Variants in RTN1 observed in about 807,000 individuals in gnomAD.
RTN1 encodes reticulon 1.
A neutral mutation model predicts 65.5 loss-of-function variants in RTN1; 25 were observed. The observed-to-expected ratio is 0.38, with a 90% confidence interval of 0.28 to 0.53. The LOEUF is 0.53. Ranked by LOEUF, RTN1 falls within the 20% of genes least tolerant of loss-of-function variation. RTN1 has a pLI of 0.79. For missense variants in RTN1, 983 were observed against 1,025.4 expected, an observed-to-expected ratio of 0.96 and a Z score of 0.57; for synonymous variants, 471 against 447.6, an observed-to-expected ratio of 1.05 and a Z score of -0.66.
chr14:59,746,550 C>T (rs1259949018), intron 1 of RTN1, 69 bp from the exon 2 acceptor site: 2 of 1,324,342 alleles, frequency 1.5e-6, no homozygotes, highest in Non-Finnish European at 1.0e-6. Flanking sequence ...GTCTAACCCA[C>T]CACCCACCCC....
At chr14:59,645,021 G>A (rs932420457) in intron 3 of RTN1, among the ~76,000 whole-genome samples, 3 of 152,204 alleles carry the variant, frequency 2.0e-5, no homozygotes, top group African/African-American at 7.2e-5. Context: ...TAGGGCTCTA[G>A]AGAGTCCAAG....
intron 3 of RTN1, among the ~76,000 whole-genome samples, chr14:59,678,189 C>G (rs1191770536): frequency 6.6e-6 from 1 of 152,108 alleles, no homozygotes; most frequent in Non-Finnish European, 1.5e-5. Context: ...GGAAGGCTGC[C>G]AAAGCTTAGG....
At chr14:59,750,205 A>ATATAATATATATATTATATC (rs1317253802) in intron 1 of RTN1, among the ~76,000 whole-genome samples, 9 of 50,900 alleles carry the variant, frequency 1.8e-4, no homozygotes, top group Non-Finnish European at 2.7e-4. Flanking sequence ...TATCTATAAT[A>ATATAATATATATATTATATC]TATAATATAT....
chr14:59,760,485 T>C (rs766555946), intron 1 of RTN1, among the ~76,000 whole-genome samples: 12 of 152,318 alleles, frequency 7.9e-5, no homozygotes, highest in Admixed American at 2.0e-4. Flanking sequence ...CAAATGAATG[T>C]ATTACTCTTT....
At position 59,766,227 on chromosome 14, in the gene RTN1, C is replaced by CAA. The variant is rs11355109; in HGVS notation, c.242-19748_242-19747dup. Among the ~76,000 whole-genome samples, 31 of 147,790 alleles carry CAA rather than the reference C, an allele frequency of 2.1e-4. 1 individual carries two copies. Among genetic ancestry groups the CAA allele is most frequent in the Middle Eastern group, 3.5e-3 (1 of 284 alleles). On this transcript the variant is annotated intron_variant, in intron 1 of 8. Transcript: ENST00000267484. This position sits in a 1 kb window ranked among gnomAD's most constrained non-coding sequence, Gnocchi z 4.4. ...CCTGGGTGACAGAGTGAGACGCTGT[C>CAA]AAAAAAAAAAAATTCATTAACAATT...
At chr14:59,789,995 C>T (rs1008778543) in intron 1 of RTN1, among the ~76,000 whole-genome samples, 3 of 151,672 alleles carry the variant, frequency 2.0e-5, no homozygotes, top group Non-Finnish European at 2.9e-5. Flanking sequence ...TATAAACTTA[C>T]GGCTATCGAA....
At chr14:59,770,821 G>A (rs531273708) in intron 1 of RTN1, among the ~76,000 whole-genome samples, 59 of 152,246 alleles carry the variant, frequency 3.9e-4, no homozygotes, top group African/African-American at 1.3e-3. Context: ...TTGGGAGGCC[G>A]AGGCAGGTGG....
At chr14:59,718,943 A>G (rs1884593660) in intron 3 of RTN1, among the ~76,000 whole-genome samples, 1 of 152,082 alleles carries the variant, frequency 6.6e-6, no homozygotes, top group Non-Finnish European at 1.5e-5. Context: ...AAATCCATCC[A>G]TTCCTCTCAT....
At chr14:59,783,275 A>C (rs775778834) in intron 1 of RTN1, among the ~76,000 whole-genome samples, 3 of 152,090 alleles carry the variant, frequency 2.0e-5, no homozygotes, top group African/African-American at 4.8e-5. Context: ...AAGAATATAA[A>C]CACCAAAATT....
rs1228619760 is a variant in RTN1, at chr14:59,749,473, C to CTATATATCTA, written c.242-3002_242-2993dup. Among the ~76,000 whole-genome samples, 169 of 79,182 alleles carry CTATATATCTA rather than the reference C, an allele frequency of 2.1e-3. 16 individuals are homozygous for CTATATATCTA. The highest frequency in any genetic ancestry group is 2.7e-3 in the Non-Finnish European group (133 of 48,698). The allele number at this position is 79,182 out of a possible 152,430, so 51.9% of individuals were successfully genotyped here. ...ATATATCTATATATATCTAATCTAT[C>CTATATATCTA]TATATATCTATATATATCTATATAT... is the stretch of plus-strand genomic sequence containing the variant. On this transcript the variant is annotated intron_variant, in intron 1 of 8. Coordinates refer to ENST00000267484, the MANE Select transcript of RTN1 (RefSeq NM_021136.3).
intron 3 of RTN1, among the ~76,000 whole-genome samples, chr14:59,623,140 G>A (rs966083383): frequency 2.6e-5 from 4 of 152,190 alleles, no homozygotes; most frequent in Non-Finnish European, 4.4e-5. Flanking sequence ...TTTCTTCCAC[G>A]AGAGACAAAA....
chr14:59,739,144 C>A (rs1223920683), intron 2 of RTN1, among the ~76,000 whole-genome samples: 1 of 151,392 alleles, frequency 6.6e-6, no homozygotes, highest in South Asian at 2.1e-4. Flanking sequence ...TGCACATGTA[C>A]CCCTGAGCTT....
At position 59,727,703 on chromosome 14, in the gene RTN1, G is replaced by A. The variant is rs200635160; in HGVS notation, c.1016-35C>T. ...CACAGAGCGAAGGAGAGCCACGGAGGCACACACACGGACAGACAGATGGAC... is the reference window on the plus strand; with the variant it reads ...CACAGAGCGAAGGAGAGCCACGGAGACACACACACGGACAGACAGATGGAC... On this transcript the variant is annotated intron_variant, in intron 2 of 8. Transcript: ENST00000267484. The surrounding 1 kb of genome is among the most constrained non-coding windows in gnomAD (Gnocchi z 4.2). 1.3e-4 allele frequency: 200 copies of A among 1,553,090 alleles called. No homozygotes were observed. The highest frequency in any genetic ancestry group is 7.4e-4 in the Admixed American group (39 of 52,952).
intron 3 of RTN1, among the ~76,000 whole-genome samples, chr14:59,703,627 A>G (rs1300699599): frequency 6.6e-6 from 1 of 152,198 alleles, no homozygotes; most frequent in Non-Finnish European, 1.5e-5. Context: ...ACGGACTAAC[A>G]CATTATGTTT....
At chr14:59,806,254 A>T (rs117512195) in intron 1 of RTN1, among the ~76,000 whole-genome samples, 2,938 of 150,582 alleles carry the variant, frequency 0.02, 51 homozygotes, top group East Asian at 0.062. Flanking sequence ...TAATAATAAT[A>T]ATTATTATTA....
At chr14:59,802,077 A>T (rs1281909892) in intron 1 of RTN1, among the ~76,000 whole-genome samples, 2 of 152,204 alleles carry the variant, frequency 1.3e-5, no homozygotes, top group Non-Finnish European at 2.9e-5. Context: ...TGTACACCTG[A>T]AGGTTTTGAA....
In RTN1 at chr14:59,716,986, CA is replaced by C. The variant is rs67370818; in HGVS notation, c.1765+9932del. On this transcript the variant is annotated intron_variant, in intron 3 of 8. Coordinates refer to ENST00000267484, the MANE Select transcript of RTN1 (RefSeq NM_021136.3). ...CCATCTCAACAAACAAACAAACAAA[CA>C]AAAAAAAAAAAAAAAAGAAGTAGAG... 2.6e-3 allele frequency among the ~76,000 whole-genome samples: 307 copies of C among 119,618 alleles called. 1 individual carries two copies. Among genetic ancestry groups the C allele is most frequent in the Middle Eastern group, 0.014 (3 of 216 alleles). 78.5% of individuals were successfully genotyped at this position (119,618 alleles called of 152,430 possible).
At chr14:59,635,135 G>A (rs1250743501) in intron 3 of RTN1, among the ~76,000 whole-genome samples, 2 of 152,146 alleles carry the variant, frequency 1.3e-5, no homozygotes, top group Non-Finnish European at 2.9e-5. Flanking sequence ...GTAAGGCATC[G>A]CAGACAAGGA....
intron 3 of RTN1, among the ~76,000 whole-genome samples, chr14:59,670,238 A>T (rs2140214085): frequency 6.6e-6 from 1 of 152,320 alleles, no homozygotes; most frequent in Middle Eastern, 3.4e-3. Flanking sequence ...CAAGGACCAG[A>T]ATTAGATTTA....
Sources: gnomAD v4.1 joint callset for allele counts (sites outside exome capture counted in the v4.1 genomes callset) on GRCh38, gnomAD v4.1.1 for gene constraint, Gnocchi (gnomAD v3.1) non-coding constraint, MANE v1.5 for transcripts, NCBI Gene and HGNC (gene_info 2026-07-23, HGNC 2026-07-21) for gene names.